The following SLC16A12 variants were observed in gnomAD, a reference collection of about 807,000 sequenced individuals.
SLC16A12 encodes the protein monocarboxylate transporter 12.
In SLC16A12, 17 loss-of-function variants were observed where a neutral mutation model predicts 42.4. The ratio of observed to expected loss-of-function variants is 0.40; its 90% confidence interval spans 0.27 to 0.60. The LOEUF (loss-of-function observed/expected upper bound fraction) is 0.60. Among genes scored for constraint, SLC16A12 ranks in the 20% least tolerant of loss-of-function variants. The pLI, the probability that SLC16A12 is intolerant of heterozygous loss-of-function variation, is 0.42. For synonymous variants in SLC16A12, 224 were observed against 229.4 expected (o/e 0.98, Z 0.21); for missense variants, 544 against 623.0 (o/e 0.87, Z 1.35).
chr10:89,503,570 T>C (rs1843018232), intron 2 of SLC16A12, among the ~76,000 whole-genome samples: 1 of 152,150 alleles, frequency 6.6e-6, no homozygotes, highest in African/African-American at 2.4e-5. Flanking sequence ...ATGGAGCATA[T>C]GAATTTCTAG....
chr10:89,549,877 C>A (rs1239146155), intron 2 of SLC16A12, among the ~76,000 whole-genome samples: 2 of 152,280 alleles, frequency 1.3e-5, no homozygotes, highest in East Asian at 3.9e-4. Context: ...TAGGAAGACC[C>A]AGGGTAGCTG....
intron 2 of SLC16A12, among the ~76,000 whole-genome samples, chr10:89,481,189 A>T (rs1842655975): frequency 6.6e-6 from 1 of 152,234 alleles, no homozygotes; most frequent in African/African-American, 2.4e-5. Context: ...GGACAAAATA[A>T]GAAATGAATG....
chr10:89,492,868 TC>T (rs1471455152), intron 2 of SLC16A12, among the ~76,000 whole-genome samples: 1 of 151,946 alleles, frequency 6.6e-6, no homozygotes, highest in Non-Finnish European at 1.5e-5. Context: ...ACCTCAGTAT[TC>T]CCATTCTCAG....
chr10:89,447,442 G>T (rs980727078), intron 3 of SLC16A12, among the ~76,000 whole-genome samples: 4 of 152,154 alleles, frequency 2.6e-5, no homozygotes, highest in African/African-American at 7.2e-5. Context: ...TAGAACTCAG[G>T]ATTAAGAAAC....
At chr10:89,522,744 T>C (rs1564598628) in intron 2 of SLC16A12, among the ~76,000 whole-genome samples, 2 of 152,204 alleles carry the variant, frequency 1.3e-5, no homozygotes, top group African/African-American at 4.8e-5. Context: ...CTCAGACAAG[T>C]GACTTAACCT....
chr10:89,492,682 T>C (rs1323902330), intron 2 of SLC16A12, among the ~76,000 whole-genome samples: 3 of 151,946 alleles, frequency 2.0e-5, no homozygotes, highest in Admixed American at 6.6e-5. Context: ...CATAATTAAG[T>C]ATTCATAAGA....
upstream of SLC16A12, among the ~76,000 whole-genome samples, chr10:89,539,857 T>TTTCTTTCTTTC (rs1843700720): frequency 4.5e-4 from 57 of 127,956 alleles, no homozygotes; most frequent in African/African-American, 1.4e-3. Flanking sequence ...AGAAACAAAT[T>TTTCTTTCTTTC]TTTCTTTCTT....
At chr10:89,507,023 G>C (rs754332347) in intron 2 of SLC16A12, among the ~76,000 whole-genome samples, 2 of 152,004 alleles carry the variant, frequency 1.3e-5, no homozygotes, top group Non-Finnish European at 2.9e-5. Flanking sequence ...GACAAGATTA[G>C]AGAAAAAAGA....
chr10:89,498,412 C>A (rs1386832826), intron 2 of SLC16A12, among the ~76,000 whole-genome samples: 4 of 152,040 alleles, frequency 2.6e-5, no homozygotes, highest in Non-Finnish European at 5.9e-5. Context: ...TGTTTATGTA[C>A]AATTGGCTGA....
intron 2 of SLC16A12, among the ~76,000 whole-genome samples, chr10:89,530,591 G>A (rs573635964): frequency 6.6e-6 from 1 of 151,844 alleles, no homozygotes; most frequent in African/African-American, 2.4e-5. Context: ...CTAATTTTTT[G>A]TACTTTAGTA....
chr10:89,481,553 C>T (rs1842660648), intron 2 of SLC16A12, among the ~76,000 whole-genome samples: 1 of 151,636 alleles, frequency 6.6e-6, no homozygotes, highest in Admixed American at 6.6e-5. Context: ...GCCCAAGAAG[C>T]CAAAAACAAG....
At chr10:89,476,905 G>A (rs889155102) in intron 2 of SLC16A12, among the ~76,000 whole-genome samples, 1 of 152,198 alleles carries the variant, frequency 6.6e-6, no homozygotes, top group African/African-American at 2.4e-5. Flanking sequence ...CATCACGCTG[G>A]CCATCACATT....
chr10:89,491,471 T>A (rs1842845949), intron 2 of SLC16A12, among the ~76,000 whole-genome samples: 1 of 151,158 alleles, frequency 6.6e-6, no homozygotes, highest in Non-Finnish European at 1.5e-5. Context: ...TGCCCTATTT[T>A]CCTAATCTCT....
chr10:89,545,017 G>A (rs1843734816), intron 2 of SLC16A12, among the ~76,000 whole-genome samples: 1 of 152,222 alleles, frequency 6.6e-6, no homozygotes, highest in African/African-American at 2.4e-5. Flanking sequence ...GACCTTAAGG[G>A]GTTATACCTC....
upstream of SLC16A12, among the ~76,000 whole-genome samples, chr10:89,536,734 G>A (rs537127258): frequency 1.7e-3 from 254 of 152,174 alleles, 1 homozygote; most frequent in South Asian, 0.021. Context: ...TAAAAATGCG[G>A]AATCTCAGGC....
chr10:89,519,267 G>T (rs1214168589), intron 2 of SLC16A12, among the ~76,000 whole-genome samples: 1 of 137,280 alleles, frequency 7.3e-6, no homozygotes, highest in Non-Finnish European at 1.6e-5. Context: ...TACGCATCGG[G>T]TACTATCCTC....
chr10:89,555,364 A>T (rs1021831166), intron 2 of SLC16A12, among the ~76,000 whole-genome samples: 2 of 151,508 alleles, frequency 1.3e-5, no homozygotes, highest in Non-Finnish European at 2.9e-5. Context: ...CTTAAATTGC[A>T]TTGGTTTAAA....
At chr10:89,465,528 G>C (rs1406233405) in intron 2 of SLC16A12, among the ~76,000 whole-genome samples, 1 of 152,104 alleles carries the variant, frequency 6.6e-6, no homozygotes, top group Non-Finnish European at 1.5e-5. Flanking sequence ...TTCAGAATAA[G>C]TTTTTCCAAA....
intron 2 of SLC16A12, among the ~76,000 whole-genome samples, chr10:89,521,962 C>T (rs1473880975): frequency 6.6e-6 from 1 of 152,324 alleles, no homozygotes; most frequent in East Asian, 1.9e-4. Context: ...ACTGCCCATA[C>T]TTGGGTTGTG....
Sources: gnomAD v4.1 joint callset for allele counts (sites outside exome capture counted in the v4.1 genomes callset) on GRCh38, gnomAD v4.1.1 for gene constraint, MANE v1.5 for transcripts, NCBI Gene and HGNC (gene_info 2026-07-23, HGNC 2026-07-21) for gene names.